The following C12orf56 variants were observed in gnomAD, a reference collection of about 807,000 sequenced individuals.
C12orf56 encodes uncharacterized protein C12orf56.
In C12orf56, 71 loss-of-function variants were observed where a neutral mutation model predicts 69.9. The observed-to-expected ratio is 1.02, with a 90% CI of 0.84 to 1.24. C12orf56 has a LOEUF of 1.24. Ranked by LOEUF, C12orf56 falls within the 50% of genes most tolerant of loss-of-function variation. The pLI is 0.00. For missense variants in C12orf56, 732 were observed against 738.5 expected (o/e 0.99, Z 0.10); for synonymous variants, 276 against 274.1 (o/e 1.01, Z -0.07).
Position 64,265,709 on chromosome 12 carries a change from T to G in C12orf56, c.*1474A>C, listed in dbSNP as rs1206656042. 2 of 152,260 alleles carry G rather than the reference T, an allele frequency of 1.3e-5. No individual in the cohort carries two copies. Among genetic ancestry groups the G allele is most frequent in the Non-Finnish European group, 1.5e-5 (1 of 68,062 alleles). The allele number at this position is 152,260 out of a possible 1,614,324, so 9.4% of individuals were successfully genotyped here. ...ACAGGCGAATCTGGCTTAGGAACTC[T>G]TTCTTTGGAAGTAGATTTTTCTCTG... On this transcript the variant is annotated 3_prime_UTR_variant, in exon 13 of 13. Coordinates refer to ENST00000543942, the MANE Select transcript of C12orf56 (RefSeq NM_001170633.2).
chr12:64,363,806 T>C (rs1181892033), intron 1 of C12orf56, among the ~76,000 whole-genome samples: 3 of 152,204 alleles, frequency 2.0e-5, no homozygotes, highest in Non-Finnish European at 4.4e-5. Context: ...CCTTCACCTT[T>C]AATCCCCTGA....
chr12:64,352,909 C>T lies in C12orf56; in HGVS notation c.400G>A (p.Ala134Thr). ...AAGTACCTACCTTTCTTGTTGTTAG[C>T]TTTAGTATGATGAAATGGAAATAGG... Reference protein sequence around the residue: ...KFLFPFHHTKANNKKVKEEKN... With the variant: ...KFLFPFHHTKTNNKKVKEEKN... The change falls in exon 2 of 13, where the codon GCT (alanine) becomes ACT (threonine). Residue 134 changes from alanine to threonine, a missense_variant. Transcript: ENST00000543942. The T allele has an allele frequency of 6.2e-7, 1 of 1,610,122 alleles. No homozygotes were observed. Among genetic ancestry groups the T allele is most frequent in the Non-Finnish European group, 8.5e-7 (1 of 1,179,054 alleles).
At chr12:64,382,863 T>G (rs1283650456) in intron 1 of C12orf56, among the ~76,000 whole-genome samples, 1 of 84,868 alleles carries the variant, frequency 1.2e-5, no homozygotes, top group East Asian at 3.5e-4. Flanking sequence ...AGAGTGAGAC[T>G]CCGTTTCAAA....
intron 3 of C12orf56, among the ~76,000 whole-genome samples, chr12:64,329,796 G>A (rs940084343): frequency 6.7e-6 from 1 of 149,856 alleles, no homozygotes. Flanking sequence ...TTGTTCTTGT[G>A]ATAGTTTACT....
Position 64,318,763 on chromosome 12 carries a change from T to C in C12orf56, c.706A>G (p.Ile236Val), listed in dbSNP as rs748508038. 358 of 1,503,102 alleles carry C rather than the reference T, an allele frequency of 2.4e-4. No homozygotes were observed. The highest frequency in any genetic ancestry group is 3.3e-4 in the Admixed American group (16 of 47,892). The allele number at this position is 1,503,102 out of a possible 1,614,324, so 93.1% of individuals were successfully genotyped here. ...EPQGLPDHNS[I>V]SEIPFKCNGN... is the part of the protein sequence containing the mutation. ...TTGCACTTGAAAGGAATTTCACTTA[T>C]GGAGTTGTGATCTGGAAGTCCCTGG... The change falls in exon 4 of 13, where the codon ATA becomes GTA. Residue 236 changes from isoleucine to valine, a missense_variant. Transcript: ENST00000543942.
intron 1 of C12orf56, among the ~76,000 whole-genome samples, chr12:64,380,104 CAAAAAAAAAAAAAAAAAAA>C (rs60079906): frequency 1.0e-4 from 5 of 49,996 alleles, no homozygotes; most frequent in African/African-American, 5.6e-4. Context: ...GACTCCGTCG[CAAAAAAAAAAAAAAAAAAA>C]AAAAAAAAAA....
At chr12:64,331,847 G>C (rs1466906587) in intron 2 of C12orf56, among the ~76,000 whole-genome samples, 1 of 151,934 alleles carries the variant, frequency 6.6e-6, no homozygotes, top group Admixed American at 6.6e-5. Context: ...AGCAGGTGCA[G>C]GATAAGACAG....
At chr12:64,371,042 C>T (rs2039563828) in intron 1 of C12orf56, among the ~76,000 whole-genome samples, 1 of 152,048 alleles carries the variant, frequency 6.6e-6, no homozygotes, top group African/African-American at 2.4e-5. Flanking sequence ...GAAATAAACC[C>T]ACACATATAT....
At position 64,270,537 on chromosome 12, in the gene C12orf56, T is replaced by C; in HGVS notation, c.1762A>G (p.Arg588Gly). 1 of 1,542,624 alleles carries C rather than the reference T, an allele frequency of 6.5e-7. No homozygotes were observed. The highest frequency in any genetic ancestry group is 1.4e-5 in the African/African-American group (1 of 72,372). Residue 588 changes from arginine to glycine, a missense_variant and splice_region_variant, in exon 12 of 13, where the codon AGG becomes GGG. By Grantham distance (125) the Arg-to-Gly change is moderately radical. Transcript: ENST00000543942. ...YIRNNYREEFRYFIHMPALQK... is the reference protein window; with the variant it reads ...YIRNNYREEFGYFIHMPALQK... ...TTAGATTCAGACATTTTTTCTTACC[T>C]GAATTCTTCTCTGTAGTTATTCCTA...
chr12:64,310,529 T>C (rs2038593230), intron 5 of C12orf56, among the ~76,000 whole-genome samples: 1 of 152,222 alleles, frequency 6.6e-6, no homozygotes, highest in South Asian at 2.1e-4. Flanking sequence ...TATTAAATTT[T>C]TTCCATTTGT....
rs1208754384 is a variant in C12orf56, at chr12:64,318,919, T to C, written c.550A>G (p.Lys184Glu). 6.5e-7 allele frequency: 1 copy of C among 1,536,904 alleles called. No homozygotes were observed. Among genetic ancestry groups the C allele is most frequent in the Admixed American group, 2.0e-5 (1 of 50,966 alleles). Residue 184 changes from lysine (K) to glutamate (E), a missense_variant, in exon 4 of 13, where the codon AAA becomes GAA. Physicochemically the swap from Lys to Glu is moderately conservative, Grantham distance 56. Coordinates refer to ENST00000543942, the MANE Select transcript of C12orf56 (RefSeq NM_001170633.2). Reference sequence around the variant, plus strand: ...CCTTGGCCATGAAGGGACAGCTTTTTGAGGCCTGGACGAGGACAGAGAGTT... The same window carrying C: ...CCTTGGCCATGAAGGGACAGCTTTTCGAGGCCTGGACGAGGACAGAGAGTT... ...DSTLCPRPGL[K>E]KLSLHGQGAF...
At chr12:64,323,565 C>CTTTTTTTTTTTTTTTTTTTT (rs375927934) in intron 3 of C12orf56, among the ~76,000 whole-genome samples, 1 of 130,848 alleles carries the variant, frequency 7.6e-6, no homozygotes, top group African/African-American at 2.9e-5. Context: ...CAAACATTTC[C>CTTTTTTTTTTTTTTTTTTTT]TTTTTTTTTT....
rs1314856579 is a variant in C12orf56, at chr12:64,293,093, C to T, written c.1114-7033G>A. Among the ~76,000 whole-genome samples the T allele has an allele frequency of 7.9e-5, 12 of 152,160 alleles. No individual in the cohort carries two copies. In the East Asian group the frequency reaches 1.7e-3, roughly 22 times the overall value. On this transcript the variant is annotated intron_variant, in intron 6 of 12. Transcript: ENST00000543942. ...AAGCCGGTCTGAAAAGCGCAGTATT[C>T]GGGTGGGAGTGACCCGATTTTCCAG...
chr12:64,387,461 C>A (rs2039809474), intron 1 of C12orf56, among the ~76,000 whole-genome samples: 2 of 152,052 alleles, frequency 1.3e-5, no homozygotes, highest in Admixed American at 1.3e-4. Context: ...TTGTAGGATT[C>A]TTGGCTCAGG....
rs961686054 is a variant in C12orf56 at position 64,297,092 on chromosome 12, G to A, written c.1113+6543C>T. Among the ~76,000 whole-genome samples the A allele has an allele frequency of 2.0e-5, 3 of 152,068 alleles. No individual in the cohort carries two copies. In the South Asian group the frequency reaches 6.2e-4, roughly 32 times the overall value. ...CCCTAATCTCTCCACCCCAGTATGGGTTTCTAAGGGAGCTTCACAGAACGT... is the reference window on the plus strand; with the variant it reads ...CCCTAATCTCTCCACCCCAGTATGGATTTCTAAGGGAGCTTCACAGAACGT... On this transcript the variant is annotated intron_variant, in intron 6 of 12. Transcript: ENST00000543942.
chr12:64,307,749 T>C (rs2038535195), intron 5 of C12orf56, among the ~76,000 whole-genome samples: 2 of 151,214 alleles, frequency 1.3e-5, no homozygotes, highest in Non-Finnish European at 2.9e-5. Context: ...GGGGTGCAAA[T>C]CCCAGCACTT....
At chr12:64,282,026 G>A (rs1343746548) in intron 8 of C12orf56, among the ~76,000 whole-genome samples, 11 of 152,132 alleles carry the variant, frequency 7.2e-5, no homozygotes, top group Middle Eastern at 6.3e-3. Context: ...TCTCCATCTT[G>A]GAGATTAGGG....
At chr12:64,274,655 A>G (rs2038028122) in intron 11 of C12orf56, among the ~76,000 whole-genome samples, 1 of 152,222 alleles carries the variant, frequency 6.6e-6, no homozygotes, top group Non-Finnish European at 1.5e-5. Flanking sequence ...TGTTTTCTAC[A>G]TGTATCTTAG....
At chr12:64,357,009 T>C (rs538353063) in intron 1 of C12orf56, among the ~76,000 whole-genome samples, 1 of 152,252 alleles carries the variant, frequency 6.6e-6, no homozygotes, top group African/African-American at 2.4e-5. Flanking sequence ...GATTTTTGCC[T>C]TCCCCAAATA....
Sources: allele counts gnomAD v4.1 joint callset (sites outside exome capture counted in the v4.1 genomes callset), GRCh38; gene constraint gnomAD v4.1.1; transcripts MANE v1.5; gene names NCBI Gene and HGNC (gene_info 2026-07-23, HGNC 2026-07-21).